Variants in MTMR6 observed in about 807,000 individuals in gnomAD.
MTMR6 encodes the protein myotubularin related protein 6.
In MTMR6, 47 loss-of-function variants were observed where a neutral mutation model predicts 80.1. The observed-to-expected ratio is 0.59, with a 90% CI of 0.46 to 0.75. The LOEUF is 0.75. Ranked by LOEUF, MTMR6 falls within the 30% of genes least tolerant of loss-of-function variation. The probability of loss-of-function intolerance (pLI) is 0.00; values close to 1 mark genes in which losing one functional copy is unlikely to be tolerated. For missense variants in MTMR6, 629 were observed against 730.9 expected (o/e 0.86, Z 1.61); for synonymous variants, 254 against 253.0 (o/e 1.00, Z -0.04).
rs1004396494 is a variant in MTMR6 at position 25,268,031 on chromosome 13, A to G, written c.142-90T>C. ...CATAAGTTTAAGAATGTCTTCCTCA[A>G]AAAAAGTTGAAAATGTTACATACTC... On this transcript the variant is annotated intron_variant, in intron 2 of 13. Transcript: ENST00000381801. 25 of 1,301,066 alleles carry G rather than the reference A, an allele frequency of 1.9e-5. No individual in the cohort carries two copies. In the Middle Eastern group the frequency reaches 9.6e-4, roughly 50 times the overall value. The allele number at this position is 1,301,066 out of a possible 1,614,324, so 80.6% of individuals were successfully genotyped here.
chr13:25,285,019 A>C (rs1227478703), intron 1 of MTMR6, among the ~76,000 whole-genome samples: 1 of 151,554 alleles, frequency 6.6e-6, no homozygotes, highest in Non-Finnish European at 1.5e-5. Flanking sequence ...GTTTTAATAG[A>C]CAATTCATCA....
rs1365899712 is a variant in MTMR6, at chr13:25,258,624, T to G, written c.795A>C (p.Arg265Ser). ...YENEDNYSNI[R>S]FQFVGIENIH... ...TATTTTCAATTCCAACAAACTGAAATCTAATATTGGAATAGTTGTCTTCAT... is the reference window on the plus strand; with the variant it reads ...TATTTTCAATTCCAACAAACTGAAAGCTAATATTGGAATAGTTGTCTTCAT... Residue 265 changes from arginine to serine, a missense_variant, in exon 7 of 14, where the codon AGA (arginine) becomes AGC (serine). Transcript: ENST00000381801. 1 of 1,598,728 alleles carries G rather than the reference T, an allele frequency of 6.3e-7. No homozygotes were observed. The highest frequency in any genetic ancestry group is 8.5e-7 in the Non-Finnish European group (1 of 1,175,518).
At position 25,257,300 on chromosome 13, in the gene MTMR6, T is replaced by C. The variant is rs755109750; in HGVS notation, c.991A>G (p.Ser331Gly). Residue 331 changes from serine to glycine, a missense_variant, in exon 9 of 14, where the codon AGT becomes GGT. By Grantham distance (56) the Ser-to-Gly change is moderately conservative. Transcript: ENST00000381801. ...LAKAITVENA[S>G]VLVHCSDGWD... is the part of the protein sequence containing the mutation. ...CCATCGGAACAATGCACCAACACACTTGCATTTTCAACTGTTATTGCCTGA... is the reference window on the plus strand; with the variant it reads ...CCATCGGAACAATGCACCAACACACCTGCATTTTCAACTGTTATTGCCTGA... 1.2e-6 allele frequency: 2 copies of C among 1,613,708 alleles called. No individual in the cohort carries two copies. Among genetic ancestry groups the C allele is most frequent in the Non-Finnish European group, 8.5e-7 (1 of 1,179,830 alleles).
Position 25,251,749 on chromosome 13 carries a change from A to G in MTMR6, c.1505T>C (p.Phe502Ser), listed in dbSNP as rs1299724359. Residue 502 changes from phenylalanine to serine, a missense_variant, in exon 13 of 14, where the codon TTT becomes TCT. Transcript: ENST00000381801. The surrounding 1 kb of genome is among the most constrained non-coding windows in gnomAD (Gnocchi z 4.1). ...CTGCCTAGGATGCAGTGTTCGATCA[A>G]ATTGATGGTACATGTTCCTCCAAAA... ...FKFWRNMYHQ[F>S]DRTLHPRQSV... The G allele has an allele frequency of 1.2e-6, 2 of 1,606,070 alleles. No homozygotes were observed. Among genetic ancestry groups the G allele is most frequent in the African/African-American group, 1.3e-5 (1 of 74,576 alleles).
intron 1 of MTMR6, among the ~76,000 whole-genome samples, chr13:25,286,233 A>T (rs575297497): frequency 1.3e-5 from 2 of 152,364 alleles, no homozygotes; most frequent in African/African-American, 4.8e-5. Context: ...CATTTAAAAA[A>T]TTTTTAAAAA....
Position 25,287,377 on chromosome 13 carries a change from C to G in MTMR6, c.-130G>C. 7.9e-7 allele frequency: 1 copy of G among 1,272,868 alleles called. No individual in the cohort carries two copies. Among genetic ancestry groups the G allele is most frequent in the East Asian group, 2.5e-5 (1 of 39,308 alleles). 78.8% of individuals were successfully genotyped at this position (1,272,868 alleles called of 1,614,324 possible). ...CCAGCGCCGCGGGTCTGTCTGCCGG[C>G]CCCGGTGGCGTCAACGGCGCAGGTG... is the stretch of plus-strand genomic sequence containing the variant. On this transcript the variant is annotated 5_prime_UTR_variant, in exon 1 of 14. Transcript: ENST00000381801.
intron 6 of MTMR6, among the ~76,000 whole-genome samples, chr13:25,259,820 T>C (rs986575134): frequency 1.3e-5 from 2 of 152,140 alleles, no homozygotes; most frequent in African/African-American, 4.8e-5. Context: ...TCTCAACTCC[T>C]AATAAAGTCT....
intron 1 of MTMR6, among the ~76,000 whole-genome samples, chr13:25,285,640 T>C (rs987495880): frequency 7.2e-5 from 11 of 151,830 alleles, no homozygotes; most frequent in African/African-American, 2.7e-4. Flanking sequence ...GTTGAAGCAA[T>C]TCTCCTGCCT....
chr13:25,274,971 C>G (rs865895769), intron 1 of MTMR6, among the ~76,000 whole-genome samples: 3 of 123,438 alleles, frequency 2.4e-5, no homozygotes, highest in African/African-American at 9.5e-5. Context: ...TACACACACA[C>G]ACACACACAC....
chr13:25,267,173 G>C (rs1216744717), intron 3 of MTMR6, among the ~76,000 whole-genome samples: 1 of 151,542 alleles, frequency 6.6e-6, no homozygotes, highest in Non-Finnish European at 1.5e-5. Flanking sequence ...CTTGAACCTG[G>C]GAGGCGGAGG....
chr13:25,267,289 C>G (rs1957480157), intron 3 of MTMR6, among the ~76,000 whole-genome samples: 1 of 151,780 alleles, frequency 6.6e-6, no homozygotes, highest in Non-Finnish European at 1.5e-5. Context: ...GACTGCTATC[C>G]CTCTCAACCT....
chr13:25,272,711 T>C (rs1957606641), intron 2 of MTMR6, among the ~76,000 whole-genome samples: 1 of 152,208 alleles, frequency 6.6e-6, no homozygotes, highest in South Asian at 2.1e-4. Flanking sequence ...CGGTTTTTTG[T>C]TTGTGTTAAT....
At chr13:25,274,981 C>CACACAT (rs1957685243) in intron 1 of MTMR6, among the ~76,000 whole-genome samples, 1 of 146,230 alleles carries the variant, frequency 6.8e-6, no homozygotes, top group African/African-American at 2.7e-5. Context: ...CACACACACA[C>CACACAT]ACACACACAC....
chr13:25,278,134 G>GA (rs1354415014), intron 1 of MTMR6, among the ~76,000 whole-genome samples: 1 of 152,154 alleles, frequency 6.6e-6, no homozygotes, highest in Non-Finnish European at 1.5e-5. Context: ...TTATGCAACT[G>GA]ACATTTCTTC....
In MTMR6 at chr13:25,254,426, T is replaced by C. The variant is rs763445618; in HGVS notation, c.1104A>G (p.Ile368Met). 1.3e-6 allele frequency: 2 copies of C among 1,557,072 alleles called. No individual in the cohort carries two copies. Among genetic ancestry groups the C allele is most frequent in the Non-Finnish European group, 1.8e-6 (2 of 1,133,256 alleles). ...YRTIKGFMVL[I>M]EKDWISFGHK... ...GTCCAAAAGAGATCCAATCCTTTTC[T>C]ATTAAAACCTTAATGAGAAAAAGTA... The change falls in exon 10 of 14, where the codon ATA becomes ATG. Residue 368 changes from isoleucine (I) to methionine (M), a missense_variant. By Grantham distance (10) the Ile-to-Met change is conservative. Coordinates refer to ENST00000381801, the MANE Select transcript of MTMR6 (RefSeq NM_004685.5).
Position 25,251,912 on chromosome 13 carries a change from G to T in MTMR6, c.1419C>A (p.Tyr473Ter). The change falls in exon 12 of 14, where the codon TAC becomes TAA. Residue 473 changes from tyrosine to a stop codon, truncating the protein, a stop_gained. Coordinates refer to ENST00000381801, the MANE Select transcript of MTMR6 (RefSeq NM_004685.5). LOFTEE classifies it high-confidence loss of function. This position sits in a 1 kb window ranked among gnomAD's most constrained non-coding sequence, Gnocchi z 4.1. Reference sequence around the variant, plus strand: ...CTGTAAATCTGTGAGATTCGGAACTGTAGAGAGGATTTAAGTACTTCTTTT... The same window carrying T: ...CTGTAAATCTGTGAGATTCGGAACTTTAGAGAGGATTTAAGTACTTCTTTT... ...EDQKKYLNPL[Y>*]SSESHRFTVL... The T allele has an allele frequency of 6.2e-7, 1 of 1,609,286 alleles. No individual in the cohort carries two copies. The highest frequency in any genetic ancestry group is 8.5e-7 in the Non-Finnish European group (1 of 1,178,508).
intron 6 of MTMR6, chr13:25,260,576 G>A (rs1291864052): frequency 9.4e-6 from 12 of 1,275,094 alleles, no homozygotes; most frequent in African/African-American, 9.2e-5. Flanking sequence ...TTGCTCACTC[G>A]CTTTTTCTCA....
Position 25,269,732 on chromosome 13 carries a change from G to T in MTMR6, c.142-1791C>A, listed in dbSNP as rs189232756. Among the ~76,000 whole-genome samples, 817 of 151,970 alleles carry T rather than the reference G, an allele frequency of 5.4e-3. 15 individuals carry two copies. Among genetic ancestry groups the T allele is most frequent in the African/African-American group, 0.019 (768 of 41,496 alleles). On this transcript the variant is annotated intron_variant, in intron 2 of 13. Transcript: ENST00000381801. ...CTAAAGTTCACCTGCAAAATTAAATGCATTTAAATAATCAAGAAAAGCTTG... is the reference window on the plus strand; with the variant it reads ...CTAAAGTTCACCTGCAAAATTAAATTCATTTAAATAATCAAGAAAAGCTTG...
At chr13:25,254,494 GATTAA>G in intron 9 of MTMR6, 60 bp from the exon 10 acceptor site, 1 of 1,118,338 alleles carries the variant, frequency 8.9e-7, no homozygotes, top group Non-Finnish European at 1.3e-6. Context: ...GTTTAGGCTG[GATTAA>G]ATCTTATTAG....
Sources: allele counts gnomAD v4.1 joint callset (sites outside exome capture counted in the v4.1 genomes callset), GRCh38; gene constraint gnomAD v4.1.1; non-coding constraint Gnocchi (gnomAD v3.1); transcripts MANE v1.5; gene names NCBI Gene and HGNC (gene_info 2026-07-23, HGNC 2026-07-21).